The following RO60 variants were observed in gnomAD, a reference collection of about 807,000 sequenced individuals.
The protein encoded by RO60 is Ro60, Y RNA binding protein, also known as RNA-binding protein RO60.
Under a neutral mutation model 55.3 loss-of-function variants are expected in RO60, and 20 were observed. That is an observed-to-expected ratio of 0.36 (90% CI 0.25 to 0.53). The LOEUF (loss-of-function observed/expected upper bound fraction) is 0.53. Ranked by LOEUF, RO60 falls within the 20% of genes least tolerant of loss-of-function variation. The pLI, the probability that RO60 is intolerant of heterozygous loss-of-function variation, is 0.92. For missense variants in RO60, 558 were observed against 646.6 expected, an observed-to-expected ratio of 0.86 and a Z score of 1.49; for synonymous variants, 213 against 213.6, an observed-to-expected ratio of 1.00 and a Z score of 0.02.
chr1:193,076,189 C>T (rs1673903984), intron 3 of RO60, 149 bp downstream of exon 3: 1 of 555,234 alleles, frequency 1.8e-6, no homozygotes, highest in Non-Finnish European at 3.0e-6. Context: ...TTTAAAACAC[C>T]TACCATGATG....
intron 8 of RO60, 89 bp downstream of exon 8, chr1:193,082,797 T>C: frequency 8.6e-7 from 1 of 1,164,918 alleles, no homozygotes; most frequent in African/African-American, 1.6e-5. Flanking sequence ...CAGGACCTCA[T>C]TCTGTTGCCC....
At position 193,085,199 on chromosome 1, in the gene RO60, C is replaced by A; in HGVS notation, c.*468C>A. Reference sequence around the variant, plus strand: ...ATGAAATATGAAACTCATCTGTAAACTTTTATACCAAGGGGGTAAAAAAAA... The same window carrying A: ...ATGAAATATGAAACTCATCTGTAAAATTTTATACCAAGGGGGTAAAAAAAA... On this transcript the variant is annotated 3_prime_UTR_variant, in exon 9 of 9. Coordinates refer to ENST00000400968, the MANE Select transcript of RO60 (RefSeq NM_001173524.2). 1 of 1,199,056 alleles carries A rather than the reference C, an allele frequency of 8.3e-7. No individual in the cohort carries two copies. Among genetic ancestry groups the A allele is most frequent in the East Asian group, 3.4e-5 (1 of 29,652 alleles). 74.3% of individuals were successfully genotyped at this position (1,199,056 alleles called of 1,614,324 possible).
intron 3 of RO60, 128 bp downstream of exon 3, chr1:193,076,168 A>G: frequency 1.7e-6 from 1 of 599,328 alleles, no homozygotes; most frequent in Non-Finnish European, 2.7e-6. Flanking sequence ...ATATCTTGAA[A>G]TTGATGTCTG....
At position 193,059,913 on chromosome 1, in the gene RO60, C is replaced by T. The variant is rs761410233; in HGVS notation, c.-22+137C>T. ...CAAACGCCGCGAAACTATCGCTCTT[C>T]CCCGTCCCGCTTCCGCGCCTGTCCA... On this transcript the variant is annotated intron_variant, in intron 1 of 8. Coordinates refer to ENST00000400968, the MANE Select transcript of RO60 (RefSeq NM_001173524.2). The surrounding 1 kb of genome is among the most constrained non-coding windows in gnomAD (Gnocchi z 4.9). 7.3e-7 allele frequency: 1 copy of T among 1,366,000 alleles called. No individual in the cohort carries two copies. 84.6% of individuals were successfully genotyped at this position (1,366,000 alleles called of 1,614,324 possible).
chr1:193,077,126 GTAT>G, intron 5 of RO60, 76 bp downstream of exon 5: 1 of 1,343,838 alleles, frequency 7.4e-7, no homozygotes. Context: ...TTTAAAGGTA[GTAT>G]TAATAGTTTA....
chr1:193,075,486 C>T (rs1247013528), intron 2 of RO60, among the ~76,000 whole-genome samples: 1 of 151,680 alleles, frequency 6.6e-6, no homozygotes, highest in Non-Finnish European at 1.5e-5. Context: ...TGAGATAGAT[C>T]TGTACTCTCG....
In RO60 at chr1:193,086,301, A is replaced by G. The variant is rs1409613037; in HGVS notation, c.*1570A>G. On this transcript the variant is annotated 3_prime_UTR_variant, in exon 9 of 9. Transcript: ENST00000400968. ...TATTCCTTTCAAATTTATTTGACAT[A>G]TTAATGCTGGTTTTGATATGTACCC... The G allele has an allele frequency of 1.3e-5, 2 of 152,492 alleles. No individual in the cohort carries two copies. Among genetic ancestry groups the G allele is most frequent in the African/African-American group, 4.8e-5 (2 of 41,432 alleles). 9.4% of individuals were successfully genotyped at this position (152,492 alleles called of 1,614,324 possible).
intron 1 of RO60, among the ~76,000 whole-genome samples, chr1:193,064,607 G>C (rs1223555807): frequency 6.6e-6 from 1 of 152,184 alleles, no homozygotes; most frequent in Non-Finnish European, 1.5e-5. Context: ...ATATAATCAA[G>C]TAGGAAGGTG....
At chr1:193,063,234 A>G (rs1279314466) in intron 1 of RO60, among the ~76,000 whole-genome samples, 1 of 152,128 alleles carries the variant, frequency 6.6e-6, no homozygotes, top group Non-Finnish European at 1.5e-5. Flanking sequence ...GTGAAGTGGT[A>G]TCTTATTGTG....
chr1:193,063,012 G>A (rs1672882549), intron 1 of RO60, among the ~76,000 whole-genome samples: 1 of 152,040 alleles, frequency 6.6e-6, no homozygotes, highest in African/African-American at 2.4e-5. Context: ...ACAACTTTTG[G>A]TTTAGATACA....
rs1327613601 is a variant in RO60 at position 193,090,732 on chromosome 1, G to GA, written c.*6007dup. The GA allele has an allele frequency of 2.0e-5, 3 of 151,910 alleles. No individual in the cohort carries two copies. Among genetic ancestry groups the GA allele is most frequent in the African/African-American group, 7.3e-5 (3 of 41,352 alleles). The allele number at this position is 151,910 out of a possible 1,614,324, so 9.4% of individuals were successfully genotyped here. A position where few individuals can be genotyped will look rare whatever the true frequency, so the allele number is the denominator to read the frequency against. Reference sequence around the variant, plus strand: ...CTTAAGTATTCAAGAGCCTTAAAGTGAAAAAATGAACCTTTTGACTGCCTT... The same window carrying GA: ...CTTAAGTATTCAAGAGCCTTAAAGTGAAAAAAATGAACCTTTTGACTGCCTT... On this transcript the variant is annotated 3_prime_UTR_variant, in exon 9 of 9. Coordinates refer to ENST00000400968, the MANE Select transcript of RO60 (RefSeq NM_001173524.2).
At chr1:193,066,263 A>G (rs1673098397) in intron 1 of RO60, among the ~76,000 whole-genome samples, 2 of 152,182 alleles carry the variant, frequency 1.3e-5, no homozygotes, top group Admixed American at 6.5e-5. Flanking sequence ...GAATCTTTCA[A>G]TGTTAGCATC....
Position 193,088,338 on chromosome 1 carries a change from G to C in RO60, c.*3607G>C, listed in dbSNP as rs547619031. On this transcript the variant is annotated 3_prime_UTR_variant, in exon 9 of 9. Coordinates refer to ENST00000400968, the MANE Select transcript of RO60 (RefSeq NM_001173524.2). ...GCAAACATTCTCTTAATCTTTTAAAGTAACCAGTAAATCTACAAATAGTAA... is the reference window on the plus strand; with the variant it reads ...GCAAACATTCTCTTAATCTTTTAAACTAACCAGTAAATCTACAAATAGTAA... The C allele has an allele frequency of 6.6e-6, 1 of 151,804 alleles. No individual in the cohort carries two copies. Among genetic ancestry groups the C allele is most frequent in the East Asian group, 1.9e-4 (1 of 5,166 alleles). 9.4% of individuals were successfully genotyped at this position (151,804 alleles called of 1,614,324 possible). A position where few individuals can be genotyped will look rare whatever the true frequency, so the allele number is the denominator to read the frequency against.
rs1673324370 is a variant in RO60, at chr1:193,069,311, C to A, written c.257C>A (p.Thr86Asn). The change falls in exon 2 of 9, where the codon ACC becomes AAC. Residue 86 changes from threonine to asparagine, a missense_variant. Thr to Asn is a moderately conservative substitution (Grantham distance 65). Transcript: ENST00000400968. ...AAGTCATTTAGTCAAGAAGGCAGAA[C>A]CACAAAGCAAGAGCCTATGCTCTTT... The part of the protein sequence containing the change: ...EIKSFSQEGR[T>N]TKQEPMLFAL... 6.2e-7 allele frequency: 1 copy of A among 1,614,110 alleles called. No homozygotes were observed. Among genetic ancestry groups the A allele is most frequent in the South Asian group, 1.1e-5 (1 of 91,082 alleles).
chr1:193,082,467 G>T, intron 7 of RO60, 95 bp from the exon 8 acceptor site: 3 of 1,428,524 alleles, frequency 2.1e-6, no homozygotes, highest in South Asian at 2.4e-5. Flanking sequence ...CTTTGGGAAG[G>T]CTGTATATAT....
chr1:193,082,511 T>A (rs1216647239), intron 7 of RO60, 51 bp from the exon 8 acceptor site: 11 of 1,578,466 alleles, frequency 7.0e-6, no homozygotes, highest in Non-Finnish European at 8.7e-6. Context: ...TAAAAACTAG[T>A]ATTTTTAAGG....
At chr1:193,075,765 C>CT in intron 2 of RO60, 55 bp from the exon 3 acceptor site, 1 of 1,311,058 alleles carries the variant, frequency 7.6e-7, no homozygotes, top group East Asian at 2.3e-5. Context: ...GAAACATGTT[C>CT]TGTTTTTTTA....
rs867875071 is a variant in RO60, at chr1:193,088,138, G to A, written c.*3407G>A. 1.4e-5 allele frequency: 2 copies of A among 145,538 alleles called. No homozygotes were observed. The highest frequency in any genetic ancestry group is 1.5e-5 in the Non-Finnish European group (1 of 68,656). 9.0% of individuals were successfully genotyped at this position (145,538 alleles called of 1,614,324 possible). Reference sequence around the variant, plus strand: ...TCTTCCCAAGTAGCCAGGAACACTGGTGTGCACTGCACTACCACGCCTGCT... The same window carrying A: ...TCTTCCCAAGTAGCCAGGAACACTGATGTGCACTGCACTACCACGCCTGCT... On this transcript the variant is annotated 3_prime_UTR_variant, in exon 9 of 9. Transcript: ENST00000400968.
intron 3 of RO60, 99 bp from the exon 4 acceptor site, chr1:193,076,402 G>A: frequency 7.9e-7 from 1 of 1,269,356 alleles, no homozygotes. Flanking sequence ...CCAAATGAAA[G>A]CCTCAGAGAC....
Sources: gnomAD v4.1 joint callset for allele counts (sites outside exome capture counted in the v4.1 genomes callset) on GRCh38, gnomAD v4.1.1 for gene constraint, Gnocchi (gnomAD v3.1) non-coding constraint, MANE v1.5 for transcripts, NCBI Gene and HGNC (gene_info 2026-07-23, HGNC 2026-07-21) for gene names.